The following PPA1 variants were observed in gnomAD, a reference collection of about 807,000 sequenced individuals.
The protein encoded by PPA1 is inorganic pyrophosphatase.
A neutral mutation model predicts 41.8 loss-of-function variants in PPA1; 23 were observed. The ratio of observed to expected loss-of-function variants is 0.55; its 90% CI spans 0.40 to 0.78. The LOEUF is 0.78. Among genes scored for constraint, PPA1 ranks in the 30% least tolerant of loss-of-function variants. The probability of loss-of-function intolerance (pLI) is 0.00; values close to 1 mark genes in which losing one functional copy is unlikely to be tolerated. For synonymous variants in PPA1, 101 were observed against 116.8 expected (o/e 0.86, Z 0.87); for missense variants, 320 against 361.6 (o/e 0.89, Z 0.93).
intron 2 of PPA1, among the ~76,000 whole-genome samples, chr10:70,229,375 C>G (rs1665898970): frequency 6.6e-6 from 1 of 152,222 alleles, no homozygotes; most frequent in Non-Finnish European, 1.5e-5. Flanking sequence ...AAGTGATCCT[C>G]CCAGCACAGC....
chr10:70,207,122 T>C (rs1435676180), intron 8 of PPA1, among the ~76,000 whole-genome samples: 1 of 152,068 alleles, frequency 6.6e-6, no homozygotes, highest in Non-Finnish European at 1.5e-5. Context: ...CAAAACCTTT[T>C]AAAAAGCTCA....
At chr10:70,221,159 A>T (rs544479879) in intron 2 of PPA1, among the ~76,000 whole-genome samples, 7 of 136,666 alleles carry the variant, frequency 5.1e-5, no homozygotes, top group Middle Eastern at 3.7e-3. Flanking sequence ...ACTTAACTTA[A>T]AATGAAAATC....
At chr10:70,221,076 A>ATATATATATTTT in intron 2 of PPA1, among the ~76,000 whole-genome samples, 1 of 40,028 alleles carries the variant, frequency 2.5e-5, no homozygotes, top group African/African-American at 2.0e-4. Context: ...ATATATATAT[A>ATATATATATTTT]TTTTTTTTTT....
chr10:70,213,196 A>T (rs1405687444), intron 6 of PPA1, among the ~76,000 whole-genome samples: 1 of 152,210 alleles, frequency 6.6e-6, no homozygotes, highest in Non-Finnish European at 1.5e-5. Context: ...AAAATAAATA[A>T]ACATACCAAC....
chr10:70,228,292 G>A (rs954111675), intron 2 of PPA1, among the ~76,000 whole-genome samples: 1 of 152,212 alleles, frequency 6.6e-6, no homozygotes, highest in Non-Finnish European at 1.5e-5. Flanking sequence ...CTATTTTGGA[G>A]TAACCTGAAG....
intron 10 of PPA1, 45 bp downstream of exon 10, chr10:70,204,827 TA>T: frequency 6.9e-7 from 1 of 1,445,222 alleles, no homozygotes; most frequent in Non-Finnish European, 9.5e-7. Flanking sequence ...AATTTTTCCA[TA>T]ACTGTGTAAT....
intron 3 of PPA1, 64 bp from the exon 4 acceptor site, chr10:70,217,995 T>C: frequency 2.2e-6 from 3 of 1,360,132 alleles, no homozygotes; most frequent in East Asian, 2.4e-5. Context: ...AATAAGGATC[T>C]GAGGAAATGA....
At chr10:70,229,845 T>C (rs1451355860) in intron 2 of PPA1, among the ~76,000 whole-genome samples, 3 of 152,224 alleles carry the variant, frequency 2.0e-5, no homozygotes, top group Non-Finnish European at 2.9e-5. Context: ...CCTCCTCTCC[T>C]TCCCCAAATT....
chr10:70,206,860 A>AGCAGG (rs1839947234), intron 8 of PPA1, among the ~76,000 whole-genome samples: 1 of 37,382 alleles, frequency 2.7e-5, no homozygotes, highest in African/African-American at 1.4e-4. Flanking sequence ...AGGAGAGGAG[A>AGCAGG]GGAGAGGAGG....
intron 2 of PPA1, among the ~76,000 whole-genome samples, chr10:70,226,417 G>A (rs1354777320): frequency 1.3e-5 from 2 of 152,030 alleles, no homozygotes; most frequent in Non-Finnish European, 2.9e-5. Flanking sequence ...AAATTAGCCA[G>A]GTACGGTGGT....
intron 2 of PPA1, among the ~76,000 whole-genome samples, chr10:70,229,627 C>A (rs1163081404): frequency 6.6e-6 from 1 of 152,190 alleles, no homozygotes; most frequent in African/African-American, 2.4e-5. Flanking sequence ...TAGCCCGTTA[C>A]TAAATTTTCC....
intron 6 of PPA1, among the ~76,000 whole-genome samples, chr10:70,213,036 T>G (rs1840039903): frequency 6.6e-6 from 1 of 152,174 alleles, no homozygotes; most frequent in South Asian, 2.1e-4. Context: ...TGATTGCCCA[T>G]GGATACAGGA....
intron 6 of PPA1, 77 bp downstream of exon 6, chr10:70,213,386 A>G: frequency 6.5e-7 from 1 of 1,544,846 alleles, no homozygotes; most frequent in Non-Finnish European, 8.8e-7. Context: ...AGGGCTTACA[A>G]TTCTGTCATT....
intron 3 of PPA1, chr10:70,218,474 G>A (rs1393724822): frequency 6.5e-6 from 2 of 309,274 alleles, no homozygotes; most frequent in Non-Finnish European, 1.2e-5. Flanking sequence ...ACTAAGGAGG[G>A]GTCAGTGAAG....
chr10:70,210,244 T>G, intron 6 of PPA1: 1 of 534,458 alleles, frequency 1.9e-6, no homozygotes, highest in Non-Finnish European at 3.3e-6. Flanking sequence ...GCCCAGCTAA[T>G]TTTTAAATTT....
chr10:70,212,397 A>G (rs1840031005), intron 6 of PPA1, among the ~76,000 whole-genome samples: 1 of 152,234 alleles, frequency 6.6e-6, no homozygotes, highest in African/African-American at 2.4e-5. Flanking sequence ...AGGAATGTTC[A>G]TGGCAGCATT....
chr10:70,224,881 C>T (rs1840210839), intron 2 of PPA1, among the ~76,000 whole-genome samples: 1 of 152,054 alleles, frequency 6.6e-6, no homozygotes, highest in African/African-American at 2.4e-5. Context: ...CAGGCATGCA[C>T]CACCATGCCC....
chr10:70,216,173 A>G (rs889921158), intron 4 of PPA1, among the ~76,000 whole-genome samples: 2 of 152,186 alleles, frequency 1.3e-5, no homozygotes, highest in Non-Finnish European at 2.9e-5. Flanking sequence ...AGGATGATAT[A>G]TCAAGGCTAA....
chr10:70,208,731 T>C (rs1589890779), intron 8 of PPA1, among the ~76,000 whole-genome samples: 1 of 152,210 alleles, frequency 6.6e-6, no homozygotes, highest in East Asian at 1.9e-4. Flanking sequence ...TAGGACATTA[T>C]CCTGACACAG....
Sources: allele counts gnomAD v4.1 joint callset (sites outside exome capture counted in the v4.1 genomes callset), GRCh38; gene constraint gnomAD v4.1.1; transcripts MANE v1.5; gene names NCBI Gene and HGNC (gene_info 2026-07-23, HGNC 2026-07-21).